The following GGTA1 variants were observed in gnomAD, a reference collection of about 807,000 sequenced individuals.
GGTA1 encodes the protein glycoprotein alpha-galactosyltransferase 1 (inactive), also known as inactive N-acetyllactosaminide alpha-1,3-galactosyltransferase.
In GGTA1, 5 loss-of-function variants were observed where a neutral mutation model predicts 2.6. The ratio of observed to expected loss-of-function variants is 1.92; its 90% CI spans 1.00 to 4.04. The LOEUF (loss-of-function observed/expected upper bound fraction) is 4.04, where lower values mean the gene tolerates loss of function less well. Among genes scored for constraint, GGTA1 ranks in the 30% most tolerant of loss-of-function variants. GGTA1 has a pLI of 0.00. For synonymous variants in GGTA1, 17 were observed against 5.0 expected (o/e 3.38, Z -3.19); for missense variants, 50 against 16.7 (o/e 2.99, Z -3.47).
intron 1 of GGTA1, among the ~76,000 whole-genome samples, chr9:121,479,959 T>G (rs1828605744): frequency 6.6e-6 from 1 of 152,218 alleles, no homozygotes; most frequent in Non-Finnish European, 1.5e-5. Context: ...GAATAATGCT[T>G]AACCCTTCCC....
chr9:121,469,855 C>T (rs1262412996), intron 1 of GGTA1, among the ~76,000 whole-genome samples: 3 of 152,178 alleles, frequency 2.0e-5, no homozygotes, highest in African/African-American at 4.8e-5. Flanking sequence ...CCCATCAGGG[C>T]CAGGTACGGG....
At chr9:121,497,243 G>A (rs1407485569) in intron 1 of GGTA1, among the ~76,000 whole-genome samples, 1 of 152,070 alleles carries the variant, frequency 6.6e-6, no homozygotes, top group Non-Finnish European at 1.5e-5. Context: ...TAAAAGGAAA[G>A]TACAGGGCAA....
At chr9:121,447,657 GCTGAAAAAACCCACATGTGGGTTTC>G (rs2064858307) in intron 7 of GGTA1, 2 of 152,260 alleles carry the variant, frequency 1.3e-5, no homozygotes, top group South Asian at 2.1e-4. Context: ...GAAACCACAA[GCTGAAAAAACCCACATGTGGGTTTC>G]CTGAAAGAAA....
intron 3 of GGTA1, 62 bp downstream of exon 3, chr9:121,463,231 T>TA (rs2118678336): frequency 2.2e-6 from 1 of 453,434 alleles, no homozygotes; most frequent in South Asian, 1.6e-5. Context: ...GAATGGACTG[T>TA]AGGGGGTGCC....
intron 1 of GGTA1, among the ~76,000 whole-genome samples, chr9:121,481,680 C>CAAAAAAAAA (rs34813039): frequency 1.7e-4 from 11 of 64,212 alleles, no homozygotes; most frequent in East Asian, 8.4e-4. Flanking sequence ...GACTCTGTCT[C>CAAAAAAAAA]AAAAAAAAAA....
At chr9:121,458,984 A>T (rs200133050) in intron 5 of GGTA1, among the ~76,000 whole-genome samples, 1 of 152,174 alleles carries the variant, frequency 6.6e-6, no homozygotes, top group East Asian at 1.9e-4. Flanking sequence ...TCACATTTCT[A>T]TGAGTGGTTT....
intron 1 of GGTA1, among the ~76,000 whole-genome samples, chr9:121,485,771 G>C (rs1828744157): frequency 6.6e-6 from 1 of 152,130 alleles, no homozygotes; most frequent in African/African-American, 2.4e-5. Context: ...TGAAGATACA[G>C]AGGCTCAAAG....
chr9:121,463,183 C>T (rs1375656446), intron 3 of GGTA1, 110 bp downstream of exon 3: 5 of 427,710 alleles, frequency 1.2e-5, no homozygotes, highest in Admixed American at 3.1e-5. Context: ...CCCACCCCTC[C>T]GACTTTGGCC....
At chr9:121,495,684 A>T (rs931355190) in intron 1 of GGTA1, among the ~76,000 whole-genome samples, 6 of 152,214 alleles carry the variant, frequency 3.9e-5, no homozygotes, top group Non-Finnish European at 5.9e-5. Flanking sequence ...TACCCAATGC[A>T]ACTTCTAATC....
chr9:121,496,758 A>AG (rs1554838775), intron 1 of GGTA1, among the ~76,000 whole-genome samples: 1 of 96,772 alleles, frequency 1.0e-5, no homozygotes, highest in Non-Finnish European at 2.6e-5. Context: ...AAAAAAAAAA[A>AG]GAGAGAGAGA....
Position 121,490,698 on chromosome 9 carries a change from C to T in GGTA1, c.-10+8952G>A, listed in dbSNP as rs185359311. Among the ~76,000 whole-genome samples, 318 of 152,318 alleles carry T rather than the reference C, an allele frequency of 2.1e-3. 4 individuals carry two copies. The highest frequency in any genetic ancestry group is 7.1e-3 in the African/African-American group (294 of 41,570). On this transcript the variant is annotated intron_variant, in intron 1 of 5. Transcript: ENST00000481799. ...CAGCAGCAAGAGCTAGAATTAGCTC[C>T]TATACAAGACCTTGTGTTTATTGCC...
intron 1 of GGTA1, among the ~76,000 whole-genome samples, chr9:121,488,934 A>T (rs1025655863): frequency 5.3e-5 from 8 of 152,134 alleles, no homozygotes; most frequent in African/African-American, 1.7e-4. Context: ...AAGGATGTTG[A>T]CATCTTGAAA....
chr9:121,455,935 A>G, intron 5 of GGTA1, 94 bp from the exon 6 acceptor site: 1 of 430,716 alleles, frequency 2.3e-6, no homozygotes. Flanking sequence ...TCCACTGACA[A>G]TTCCAACAGG....
chr9:121,493,737 A>C (rs1828923332), intron 1 of GGTA1, among the ~76,000 whole-genome samples: 1 of 138,458 alleles, frequency 7.2e-6, no homozygotes, highest in African/African-American at 2.7e-5. Context: ...TCAGCTTCCT[A>C]GACTCACTCT....
intron 1 of GGTA1, among the ~76,000 whole-genome samples, chr9:121,499,168 C>G (rs1294291961): frequency 6.6e-6 from 1 of 151,980 alleles, no homozygotes; most frequent in Non-Finnish European, 1.5e-5. Context: ...CCTTGGGGTT[C>G]CTGCGACCCT....
At chr9:121,465,036 C>A (rs2064995140) in intron 2 of GGTA1, among the ~76,000 whole-genome samples, 1 of 150,002 alleles carries the variant, frequency 6.7e-6, no homozygotes, top group South Asian at 2.1e-4. Context: ...CAACTCCTCC[C>A]CTTGAAGTTT....
At chr9:121,462,335 A>AG (rs1245409286) in intron 3 of GGTA1, among the ~76,000 whole-genome samples, 1 of 152,062 alleles carries the variant, frequency 6.6e-6, no homozygotes, top group Non-Finnish European at 1.5e-5. Flanking sequence ...AGAAAATTAA[A>AG]AAAAAATAAA....
chr9:121,472,823 C>T (rs1267224942), intron 1 of GGTA1, among the ~76,000 whole-genome samples: 15 of 152,210 alleles, frequency 9.9e-5, no homozygotes, highest in East Asian at 3.9e-4. Context: ...AAAACTCTCA[C>T]GGTTGGAAAC....
intron 1 of GGTA1, chr9:121,479,240 C>A (rs768766009): frequency 2.5e-6 from 1 of 397,034 alleles, no homozygotes; most frequent in Non-Finnish European, 5.0e-6. Flanking sequence ...GCCGCTTTCA[C>A]CCCAGAGTAA....
Sources: allele counts gnomAD v4.1 joint callset (sites outside exome capture counted in the v4.1 genomes callset), GRCh38; gene constraint gnomAD v4.1.1; transcripts MANE v1.5; gene names NCBI Gene and HGNC (gene_info 2026-07-23, HGNC 2026-07-21).